The following CSTPP1 variants were observed in gnomAD, a reference collection of about 807,000 sequenced individuals.
The protein encoded by CSTPP1 is centriolar satellite-associated tubulin polyglutamylase complex regulator 1, also known as UPF0705 protein C11orf49.
chr11:47,148,837 T>C, the CSTPP1 span, among the ~76,000 whole-genome samples: 1 of 152,318 alleles, frequency 6.6e-6, no homozygotes, highest in South Asian at 2.1e-4. Flanking sequence ...AGAGGGAAAT[T>C]GTCACTTGGC....
At chr11:47,156,566 G>A in the CSTPP1 span, among the ~76,000 whole-genome samples, 2 of 152,228 alleles carry the variant, frequency 1.3e-5, no homozygotes, top group African/African-American at 4.8e-5. Context: ...ACCAGTGGGA[G>A]CATACTCATG....
the CSTPP1 span, among the ~76,000 whole-genome samples, chr11:46,940,646 C>T: frequency 1.3e-5 from 2 of 151,682 alleles, no homozygotes; most frequent in African/African-American, 4.9e-5. Context: ...TATATATATA[C>T]ACATATATAC....
chr11:47,143,321 T>C, the CSTPP1 span, among the ~76,000 whole-genome samples: 2 of 152,212 alleles, frequency 1.3e-5, no homozygotes, highest in Non-Finnish European at 2.9e-5. Context: ...TCAAGGCAGT[T>C]ACTATTGCTA....
the CSTPP1 span, among the ~76,000 whole-genome samples, chr11:47,113,095 G>A: frequency 7.9e-5 from 12 of 152,118 alleles, no homozygotes. Context: ...GTGGTGTTTG[G>A]TTTTCTGTCC....
At chr11:47,038,262 G>C in the CSTPP1 span, among the ~76,000 whole-genome samples, 1 of 112,998 alleles carries the variant, frequency 8.8e-6, no homozygotes, top group African/African-American at 2.7e-5. Context: ...CGGATGGGGC[G>C]GCTGGCCGGG....
At chr11:47,078,226 A>G in the CSTPP1 span, among the ~76,000 whole-genome samples, 1 of 152,240 alleles carries the variant, frequency 6.6e-6, no homozygotes, top group Admixed American at 6.5e-5. Flanking sequence ...GTTAAGTATG[A>G]CAGGTTAGAA....
the CSTPP1 span, among the ~76,000 whole-genome samples, chr11:47,018,701 C>T: frequency 2.0e-5 from 3 of 152,226 alleles, no homozygotes; most frequent in Admixed American, 1.3e-4. Flanking sequence ...TCCTTGTCAG[C>T]ACTTGGCACT....
the CSTPP1 span, among the ~76,000 whole-genome samples, chr11:46,962,649 T>C: frequency 6.6e-6 from 1 of 152,248 alleles, no homozygotes; most frequent in East Asian, 1.9e-4. Context: ...TTATACTTCT[T>C]TGTTAAATGT....
chr11:47,151,835 AC>A, the CSTPP1 span, among the ~76,000 whole-genome samples: 2 of 150,624 alleles, frequency 1.3e-5, no homozygotes, highest in Non-Finnish European at 3.0e-5. Flanking sequence ...CTCGCCCCCT[AC>A]TCCCTCCTGC....
the CSTPP1 span, among the ~76,000 whole-genome samples, chr11:46,953,730 A>T: frequency 1.3e-5 from 2 of 152,218 alleles, no homozygotes; most frequent in Non-Finnish European, 2.9e-5. Flanking sequence ...AGCAATTCAT[A>T]AGTAAGAATT....
the CSTPP1 span, chr11:47,155,079 C>T: frequency 1.1e-6 from 1 of 949,200 alleles, no homozygotes. Flanking sequence ...CTCTCTCCCT[C>T]TCCCCCGCAC....
chr11:47,057,680 G>A, the CSTPP1 span, among the ~76,000 whole-genome samples: 6 of 152,264 alleles, frequency 3.9e-5, no homozygotes, highest in Admixed American at 3.9e-4. Flanking sequence ...GGAGCAGCCA[G>A]TATTTACAGG....
chr11:46,946,300 A>C, the CSTPP1 span, among the ~76,000 whole-genome samples: 1 of 152,240 alleles, frequency 6.6e-6, no homozygotes, highest in Non-Finnish European at 1.5e-5. Flanking sequence ...TATTTGCACA[A>C]ATGCAATATG....
At chr11:47,037,038 T>A in the CSTPP1 span, among the ~76,000 whole-genome samples, 270 of 126,430 alleles carry the variant, frequency 2.1e-3, 74 homozygotes, top group Non-Finnish European at 4.4e-3. Context: ...CAGGGTGAAG[T>A]AGGGAAAGAA....
chr11:46,941,386 C>G, the CSTPP1 span, among the ~76,000 whole-genome samples: 5 of 152,132 alleles, frequency 3.3e-5, no homozygotes, highest in Non-Finnish European at 5.9e-5. Flanking sequence ...GTCACCCAGG[C>G]TGGAGTGCAA....
At chr11:46,949,503 C>T in the CSTPP1 span, among the ~76,000 whole-genome samples, 1 of 152,112 alleles carries the variant, frequency 6.6e-6, no homozygotes, top group Non-Finnish European at 1.5e-5. Flanking sequence ...TCTTTGTTAC[C>T]ATGCCTGAAC....
At chr11:47,022,464 G>A in the CSTPP1 span, among the ~76,000 whole-genome samples, 1 of 137,984 alleles carries the variant, frequency 7.2e-6, no homozygotes, top group African/African-American at 2.7e-5. Context: ...CTGCCTCCTG[G>A]GTTCAGGAGA....
At chr11:47,100,366 G>C in the CSTPP1 span, among the ~76,000 whole-genome samples, 1 of 152,108 alleles carries the variant, frequency 6.6e-6, no homozygotes, top group Non-Finnish European at 1.5e-5. Flanking sequence ...TTTTGGATCT[G>C]GACATTATGA....
chr11:47,014,183 A>T, the CSTPP1 span, among the ~76,000 whole-genome samples: 72 of 151,454 alleles, frequency 4.8e-4, no homozygotes, highest in African/African-American at 1.6e-3. Context: ...ACACAGTGAG[A>T]CCCCCATGAA....
Sources: allele counts gnomAD v4.1 joint callset (sites outside exome capture counted in the v4.1 genomes callset), GRCh38; gene constraint gnomAD v4.1.1; transcripts MANE v1.5; gene names NCBI Gene and HGNC (gene_info 2026-07-23, HGNC 2026-07-21).